Variants in ARFIP1 observed in about 807,000 individuals in gnomAD.
ARFIP1 encodes arfaptin-1.
ARFIP1 carries 24 observed loss-of-function variants against 42.5 expected under a neutral mutation model. The ratio of observed to expected loss-of-function variants is 0.57; its 90% CI spans 0.41 to 0.80. ARFIP1 has a LOEUF of 0.80. Ranked by LOEUF, ARFIP1 falls within the 30% of genes least tolerant of loss-of-function variation. The probability of loss-of-function intolerance (pLI) is 0.00; values close to 1 mark genes in which losing one functional copy is unlikely to be tolerated. For synonymous variants in ARFIP1, 141 were observed against 153.7 expected, an observed-to-expected ratio of 0.92 and a Z score of 0.61; for missense variants, 354 against 434.0, an observed-to-expected ratio of 0.82 and a Z score of 1.64.
Position 152,910,444 on chromosome 4 carries a change from T to G in ARFIP1, c.*225T>G. ...ATCTGAACACAATAATTTTCCTTTT[T>G]GAGAAATCCTTTTGTATTGTGAGGG... On this transcript the variant is annotated 3_prime_UTR_variant, in exon 9 of 9. Transcript: ENST00000353617. 4.9e-6 allele frequency: 2 copies of G among 412,212 alleles called. No individual in the cohort carries two copies. Among genetic ancestry groups the G allele is most frequent in the Non-Finnish European group, 8.3e-6 (2 of 242,048 alleles). The allele number at this position is 412,212 out of a possible 1,614,324, so 25.5% of individuals were successfully genotyped here. A position where few individuals can be genotyped will look rare whatever the true frequency, so the allele number is the denominator to read the frequency against.
intron 1 of ARFIP1, among the ~76,000 whole-genome samples, chr4:152,803,798 A>G (rs1198109653): frequency 1.3e-5 from 2 of 151,674 alleles, no homozygotes; most frequent in Admixed American, 1.3e-4. Context: ...AATGGAGGTT[A>G]ATGCATCAGT....
At chr4:152,834,810 T>C (rs1354900895) in intron 2 of ARFIP1, among the ~76,000 whole-genome samples, 1 of 152,222 alleles carries the variant, frequency 6.6e-6, no homozygotes, top group Non-Finnish European at 1.5e-5. Flanking sequence ...AGTGGCCCAG[T>C]AGGGACTCTG....
In ARFIP1 at chr4:152,855,687, T is replaced by C. The variant is rs1208948311; in HGVS notation, c.94-7919T>C. Among the ~76,000 whole-genome samples, 3 of 152,258 alleles carry C rather than the reference T, an allele frequency of 2.0e-5. No homozygotes were observed. The South Asian group carries it at 6.2e-4, about 32-fold the overall frequency. On this transcript the variant is annotated intron_variant, in intron 2 of 8. Transcript: ENST00000353617. ...CTCAGGGAGCATGTGGGACCCAGAG[T>C]GAGCTTCCTTTCTGGGGCAGTGCCA...
intron 2 of ARFIP1, among the ~76,000 whole-genome samples, chr4:152,837,976 G>C (rs1731785993): frequency 6.6e-6 from 1 of 152,168 alleles, no homozygotes; most frequent in Non-Finnish European, 1.5e-5. Context: ...TGAGAATCCA[G>C]TTTCATTCTC....
At chr4:152,822,596 A>T (rs1730476355) in intron 1 of ARFIP1, among the ~76,000 whole-genome samples, 1 of 152,240 alleles carries the variant, frequency 6.6e-6, no homozygotes, top group Non-Finnish European at 1.5e-5. Flanking sequence ...TCCACCCAGG[A>T]ACCGCAGAAT....
rs533490031 is a variant in ARFIP1 at position 152,861,664 on chromosome 4, G to A, written c.94-1942G>A. On this transcript the variant is annotated intron_variant, in intron 2 of 8. Transcript: ENST00000353617. Reference sequence around the variant, plus strand: ...CTTCAGTAGCAGAGTAGATATAATTGTTTAAGATTAAATCTTCTTGGCTAG... The same window carrying A: ...CTTCAGTAGCAGAGTAGATATAATTATTTAAGATTAAATCTTCTTGGCTAG... 6.6e-5 allele frequency among the ~76,000 whole-genome samples: 10 copies of A among 152,168 alleles called. 1 individual carries two copies. In the Middle Eastern group the frequency reaches 0.01, roughly 155 times the overall value.
At chr4:152,793,871 G>T (rs550345464) in intron 1 of ARFIP1, among the ~76,000 whole-genome samples, 3 of 152,188 alleles carry the variant, frequency 2.0e-5, no homozygotes, top group East Asian at 1.9e-4. Context: ...AAAACGAACT[G>T]CCTGAACCTT....
chr4:152,846,030 A>G (rs1479227672), intron 2 of ARFIP1, among the ~76,000 whole-genome samples: 1 of 152,196 alleles, frequency 6.6e-6, no homozygotes, highest in Non-Finnish European at 1.5e-5. Context: ...GAACAACATT[A>G]TGTCTTTTGC....
chr4:152,857,000 T>C (rs369463203), intron 2 of ARFIP1, among the ~76,000 whole-genome samples: 4 of 152,314 alleles, frequency 2.6e-5, no homozygotes, highest in African/African-American at 9.6e-5. Context: ...ATTTTAGATA[T>C]TGAAAACTAA....
chr4:152,794,804 G>A (rs1731338358), intron 1 of ARFIP1, among the ~76,000 whole-genome samples: 1 of 152,026 alleles, frequency 6.6e-6, no homozygotes, highest in Non-Finnish European at 1.5e-5. Flanking sequence ...TATCAATATG[G>A]ACTCATTAAT....
rs576322337 is a variant in ARFIP1, at chr4:152,781,026, A to G, written c.-10+800A>G. Among the ~76,000 whole-genome samples, 41 of 152,224 alleles carry G rather than the reference A, an allele frequency of 2.7e-4. 1 individual carries two copies. Among genetic ancestry groups the G allele is most frequent in the African/African-American group, 8.7e-4 (36 of 41,522 alleles). ...CTACCCTGTTTTCTCCTAAAGTATA[A>G]AATTCATCTAACTACATTATTATTT... On this transcript the variant is annotated intron_variant, in intron 1 of 8. Coordinates refer to ENST00000353617, the MANE Select transcript of ARFIP1 (RefSeq NM_001025595.3).
At chr4:152,863,749 T>C in intron 3 of ARFIP1, 35 bp downstream of exon 3, 1 of 1,416,492 alleles carries the variant, frequency 7.1e-7, no homozygotes. Context: ...ATGGCTGGGA[T>C]AGAGGATGGG....
Position 152,863,729 on chromosome 4 carries a change from A to C in ARFIP1, c.202+15A>C. The C allele has an allele frequency of 6.6e-7, 1 of 1,516,920 alleles. No homozygotes were observed. 94.0% of individuals were successfully genotyped at this position (1,516,920 alleles called of 1,614,324 possible). On this transcript the variant is annotated intron_variant, in intron 3 of 8. Transcript: ENST00000353617. ...AGCATTTCAAGGTAAGAGCCCATAT[A>C]TTTGTAAAGATGGCTGGGATAGAGG...
intron 6 of ARFIP1, among the ~76,000 whole-genome samples, chr4:152,881,498 C>G (rs1406152842): frequency 1.3e-5 from 2 of 151,972 alleles, no homozygotes; most frequent in Admixed American, 6.6e-5. Flanking sequence ...TTAACTTTTT[C>G]TAAAAGTTGT....
intron 2 of ARFIP1, among the ~76,000 whole-genome samples, chr4:152,839,754 A>G (rs1336463144): frequency 6.6e-6 from 1 of 151,490 alleles, no homozygotes; most frequent in African/African-American, 2.4e-5. Context: ...TATCATTTGT[A>G]TTTTTTTGTT....
chr4:152,899,810 A>G (rs1737669171), intron 8 of ARFIP1, among the ~76,000 whole-genome samples: 2 of 152,160 alleles, frequency 1.3e-5, no homozygotes, highest in African/African-American at 2.4e-5. Context: ...GAAAGTTGCT[A>G]TAAGGATTTT....
chr4:152,836,995 GC>G (rs2149852686), intron 2 of ARFIP1, among the ~76,000 whole-genome samples: 1 of 150,592 alleles, frequency 6.6e-6, no homozygotes, highest in African/African-American at 2.4e-5. Flanking sequence ...CATCCTCATA[GC>G]CTAGTTCCCA....
chr4:152,872,843 G>C (rs1166013584), intron 5 of ARFIP1, among the ~76,000 whole-genome samples: 1 of 152,150 alleles, frequency 6.6e-6, no homozygotes, highest in Non-Finnish European at 1.5e-5. Flanking sequence ...TTATTTAGCT[G>C]TAGAGCTACT....
chr4:152,878,402 T>C (rs1735543301), intron 5 of ARFIP1, among the ~76,000 whole-genome samples: 1 of 152,228 alleles, frequency 6.6e-6, no homozygotes, highest in Admixed American at 6.5e-5. Flanking sequence ...AAATCCACTG[T>C]AGAGATCATC....
Sources: allele counts gnomAD v4.1 joint callset (sites outside exome capture counted in the v4.1 genomes callset), GRCh38; gene constraint gnomAD v4.1.1; transcripts MANE v1.5; gene names NCBI Gene and HGNC (gene_info 2026-07-23, HGNC 2026-07-21).